CAMSAP3: variants seen among roughly 807,000 people sequenced by gnomAD.
The protein encoded by CAMSAP3 is calmodulin regulated spectrin associated protein family member 3, also known as calmodulin-regulated spectrin-associated protein 3.
CAMSAP3 carries 34 observed loss-of-function variants against 112.5 expected under a neutral mutation model. The observed-to-expected ratio is 0.30, with a 90% CI of 0.23 to 0.40. The LOEUF is 0.40. Ranked by LOEUF, CAMSAP3 falls within the 10% of genes least tolerant of loss-of-function variation. The pLI is 1.00. For missense variants in CAMSAP3, 1,602 were observed against 1,770.3 expected, an observed-to-expected ratio of 0.90 and a Z score of 1.71; for synonymous variants, 868 against 799.8, an observed-to-expected ratio of 1.09 and a Z score of -1.44.
rs200075510 is a variant in CAMSAP3, at chr19:7,612,544, T to C, written c.2051T>C (p.Phe684Ser). Residue 684 changes from phenylalanine to serine, a missense_variant, in exon 11 of 17, where the codon TTC (phenylalanine) becomes TCC (serine). Physicochemically the swap from Phe to Ser is radical, Grantham distance 155. Coordinates refer to ENST00000160298, the MANE Select transcript of CAMSAP3 (RefSeq NM_020902.2). ...ACCTCACGGCCCAAGGCAGTGACCT[T>C]CTCGCCAGACCTGGGCCCGGTGCCC... is the stretch of plus-strand genomic sequence containing the variant. ...EPTSRPKAVT[F>S]SPDLGPVPHE... 2.3e-3 allele frequency: 3,590 copies of C among 1,536,304 alleles called. 6 individuals are homozygous for C. The highest frequency in any genetic ancestry group is 2.8e-3 in the Non-Finnish European group (3,245 of 1,145,416).
At position 7,606,463 on chromosome 19, in the gene CAMSAP3, C is replaced by A. The variant is rs1276123020; in HGVS notation, c.526-13C>A. 1.2e-6 allele frequency: 2 copies of A among 1,604,978 alleles called. No individual in the cohort carries two copies. The highest frequency in any genetic ancestry group is 1.7e-6 in the Non-Finnish European group (2 of 1,179,000). Reference sequence around the variant, plus strand: ...CCAGTGGCCAGACCACTGACCCCCTCCCTGCCCTCCAGACCGTCCGGCGGC... The same window carrying A: ...CCAGTGGCCAGACCACTGACCCCCTACCTGCCCTCCAGACCGTCCGGCGGC... On this transcript the variant is annotated splice_polypyrimidine_tract_variant and intron_variant, in intron 3 of 16. Coordinates refer to ENST00000160298, the MANE Select transcript of CAMSAP3 (RefSeq NM_020902.2).
At chr19:7,597,419 C>T (rs2024463452) in intron 1 of CAMSAP3, among the ~76,000 whole-genome samples, 1 of 152,196 alleles carries the variant, frequency 6.6e-6, no homozygotes, top group Non-Finnish European at 1.5e-5. Context: ...GAGAACTCAA[C>T]GTGGAGTGTC....
At chr19:7,602,293 A>T (rs973973179) in intron 1 of CAMSAP3, among the ~76,000 whole-genome samples, 1 of 152,214 alleles carries the variant, frequency 6.6e-6, no homozygotes, top group African/African-American at 2.4e-5. Flanking sequence ...AGAATTTTCC[A>T]GCCCCAAGTA....
In CAMSAP3 at chr19:7,612,496, C is replaced by T; in HGVS notation, c.2003C>T (p.Ala668Val). ...SGPVPGGERP[A>V]GEGQGEPTSR... ...CCAGTCCCTGGTGGGGAGCGGCCCG[C>T]AGGCGAGGGCCAGGGTGAGCCAACC... is the stretch of plus-strand genomic sequence containing the variant. Residue 668 changes from alanine (A) to valine (V), a missense_variant, in exon 11 of 17, where the codon GCA becomes GTA. Physicochemically the swap from Ala to Val is moderately conservative, Grantham distance 64. Transcript: ENST00000160298. The T allele has an allele frequency of 6.5e-7, 1 of 1,547,282 alleles. No homozygotes were observed. Among genetic ancestry groups the T allele is most frequent in the East Asian group, 2.4e-5 (1 of 41,230 alleles).
At chr19:7,609,656 G>A (rs554826556) in intron 5 of CAMSAP3, among the ~76,000 whole-genome samples, 1 of 152,098 alleles carries the variant, frequency 6.6e-6, no homozygotes, top group Non-Finnish European at 1.5e-5. Flanking sequence ...TATCTAATAC[G>A]TTGTAACATA....
chr19:7,601,750 A>G (rs962275760), intron 1 of CAMSAP3, among the ~76,000 whole-genome samples: 11 of 150,210 alleles, frequency 7.3e-5, no homozygotes, highest in Non-Finnish European at 1.3e-4. Flanking sequence ...AATAAAATAA[A>G]ATAAATGAAT....
In CAMSAP3 at chr19:7,609,180, C is replaced by T. The variant is rs188476027; in HGVS notation, c.760+916C>T. Reference sequence around the variant, plus strand: ...TAAAAATACAGAAATTAGCCGGGTGCGGTGGCGGGCGCCTGTAATCCCAGC... The same window carrying T: ...TAAAAATACAGAAATTAGCCGGGTGTGGTGGCGGGCGCCTGTAATCCCAGC... On this transcript the variant is annotated intron_variant, in intron 5 of 16. Coordinates refer to ENST00000160298, the MANE Select transcript of CAMSAP3 (RefSeq NM_020902.2). Among the ~76,000 whole-genome samples, 428 of 151,430 alleles carry T rather than the reference C, an allele frequency of 2.8e-3. 3 individuals carry two copies. Among genetic ancestry groups the T allele is most frequent in the African/African-American group, 9.7e-3 (399 of 41,300 alleles).
chr19:7,616,210 AAAAG>A (rs2030781822), intron 13 of CAMSAP3, among the ~76,000 whole-genome samples: 1 of 146,580 alleles, frequency 6.8e-6, no homozygotes, highest in East Asian at 1.9e-4. Flanking sequence ...AAAAAAAAAA[AAAAG>A]ACTTCCATAG....
chr19:7,611,267 C>T lies in CAMSAP3; in HGVS notation c.1123+99C>T. 1.5e-5 allele frequency: 18 copies of T among 1,226,824 alleles called. No individual in the cohort carries two copies. In the South Asian group the frequency reaches 2.2e-4, roughly 15 times the overall value. The allele number at this position is 1,226,824 out of a possible 1,614,324, so 76.0% of individuals were successfully genotyped here. On this transcript the variant is annotated intron_variant, in intron 9 of 16. Coordinates refer to ENST00000160298, the MANE Select transcript of CAMSAP3 (RefSeq NM_020902.2). The surrounding 1 kb of genome is among the most constrained non-coding windows in gnomAD (Gnocchi z 6.9). ...GTCTCCTCGTGAGCCTTCCAATAGC[C>T]TCTCCATCAGATCCCCCTTGGGCAT...
intron 1 of CAMSAP3, among the ~76,000 whole-genome samples, chr19:7,603,523 G>A (rs893365465): frequency 2.7e-5 from 4 of 150,324 alleles, no homozygotes; most frequent in South Asian, 2.2e-4. Flanking sequence ...CCCCCACCCC[G>A]TTCTTTCAAA....
chr19:7,607,961 C>T lies in CAMSAP3; in HGVS notation c.622-165C>T. 41 of 879,812 alleles carry T rather than the reference C, an allele frequency of 4.7e-5. No individual in the cohort carries two copies. The South Asian group carries it at 5.8e-4, about 13-fold the overall frequency. The allele number at this position is 879,812 out of a possible 1,614,324, so 54.5% of individuals were successfully genotyped here. A position where few individuals can be genotyped will look rare whatever the true frequency, so the allele number is the denominator to read the frequency against. ...TCGAAGACATCTCCTCTGCCTCTTG[C>T]TGCTGCCCCTCCCCTGCTCCAGGCT... On this transcript the variant is annotated intron_variant, in intron 4 of 16. Transcript: ENST00000160298. This position sits in a 1 kb window ranked among gnomAD's most constrained non-coding sequence, Gnocchi z 4.9.
intron 2 of CAMSAP3, 51 bp from the exon 3 acceptor site, chr19:7,606,220 G>A: frequency 3.2e-6 from 5 of 1,579,068 alleles, no homozygotes; most frequent in Non-Finnish European, 3.4e-6. Flanking sequence ...GGGGGCCGAG[G>A]TGCGCCTCCT....
chr19:7,602,140 A>G (rs189547139), intron 1 of CAMSAP3, among the ~76,000 whole-genome samples: 40 of 152,330 alleles, frequency 2.6e-4, no homozygotes, highest in Middle Eastern at 6.8e-3. Context: ...TTTGACACTT[A>G]ATTGACATTT....
chr19:7,614,887 G>A lies in CAMSAP3; in HGVS notation c.2671-296G>A, dbSNP rs544587223. The A allele has an allele frequency of 1.1e-4, 57 of 535,600 alleles. No individual in the cohort carries two copies. The African/African-American group carries it at 1.1e-3, about 10-fold the overall frequency. The allele number at this position is 535,600 out of a possible 1,614,324, so 33.2% of individuals were successfully genotyped here. On this transcript the variant is annotated intron_variant, in intron 11 of 16. Coordinates refer to ENST00000160298, the MANE Select transcript of CAMSAP3 (RefSeq NM_020902.2). ...GGCCAGGCCGGGGTCCTCCCGCAGT[G>A]TAGAGTGTCTGTGCCCAACACGAGC...
At position 7,612,937 on chromosome 19, in the gene CAMSAP3, C is replaced by T. The variant is rs373855253; in HGVS notation, c.2444C>T (p.Pro815Leu). The part of the protein sequence containing the change: ...DSLPHLRKFS[P>L]SQVPVQTRSS... ...CTCCCCCACCTGCGCAAGTTCTCGC[C>T]GAGCCAGGTGCCCGTGCAGACGCGC... The change falls in exon 11 of 17, where the codon CCG becomes CTG. Residue 815 changes from proline (P) to leucine (L), a missense_variant. Pro to Leu is a moderately conservative substitution (Grantham distance 98). Coordinates refer to ENST00000160298, the MANE Select transcript of CAMSAP3 (RefSeq NM_020902.2). The T allele has an allele frequency of 6.8e-6, 11 of 1,609,156 alleles. No homozygotes were observed. Among genetic ancestry groups the T allele is most frequent in the Admixed American group, 1.7e-5 (1 of 59,886 alleles).
At position 7,611,668 on chromosome 19, in the gene CAMSAP3, C is replaced by T; in HGVS notation, c.1194-19C>T. ...CCGAGGCTGGTCCCAGGGGCTGACC[C>T]CTCCCTCCGGCCGCCCAGCCGTCCC... is the stretch of plus-strand genomic sequence containing the variant. On this transcript the variant is annotated intron_variant, in intron 10 of 16. Coordinates refer to ENST00000160298, the MANE Select transcript of CAMSAP3 (RefSeq NM_020902.2). This position sits in a 1 kb window ranked among gnomAD's most constrained non-coding sequence, Gnocchi z 6.9. The T allele has an allele frequency of 6.4e-7, 1 of 1,568,860 alleles. No individual in the cohort carries two copies. The highest frequency in any genetic ancestry group is 8.7e-7 in the Non-Finnish European group (1 of 1,154,096).
rs774561504 is a variant in CAMSAP3 at position 7,610,851 on chromosome 19, G to A, written c.995-26G>A. 71 of 1,609,046 alleles carry A rather than the reference G, an allele frequency of 4.4e-5. No homozygotes were observed. The highest frequency in any genetic ancestry group is 4.7e-5 in the Non-Finnish European group (55 of 1,178,968). On this transcript the variant is annotated intron_variant, in intron 7 of 16. Coordinates refer to ENST00000160298, the MANE Select transcript of CAMSAP3 (RefSeq NM_020902.2). The surrounding 1 kb of genome is among the most constrained non-coding windows in gnomAD (Gnocchi z 4.9). Reference sequence around the variant, plus strand: ...GGGCGGGTGGGAGAGCCAAACCCCCGCCTGACCCTCTTCTCTGTACTGCAG... The same window carrying A: ...GGGCGGGTGGGAGAGCCAAACCCCCACCTGACCCTCTTCTCTGTACTGCAG...
At position 7,613,047 on chromosome 19, in the gene CAMSAP3, G is replaced by A; in HGVS notation, c.2554G>A (p.Ala852Thr). The change falls in exon 11 of 17, where the codon GCA becomes ACA. Residue 852 changes from alanine to threonine, a missense_variant. Physicochemically the swap from Ala to Thr is moderately conservative, Grantham distance 58. Coordinates refer to ENST00000160298, the MANE Select transcript of CAMSAP3 (RefSeq NM_020902.2). ...GLIEIPLGSL[A>T]DPAAEDEGDG... ...CATCGAGATCCCGCTGGGCAGCCTG[G>A]CAGATCCCGCCGCCGAGGACGAGGG... 6.4e-7 allele frequency: 1 copy of A among 1,550,752 alleles called. No homozygotes were observed. The highest frequency in any genetic ancestry group is 8.7e-7 in the Non-Finnish European group (1 of 1,148,358).
chr19:7,605,166 G>GTT, intron 1 of CAMSAP3, 60 bp from the exon 2 acceptor site: 1 of 1,133,892 alleles, frequency 8.8e-7, no homozygotes, highest in South Asian at 1.5e-5. Context: ...GTGTGTGTGT[G>GTT]TGTGTGTGTG....
Sources: gnomAD v4.1 joint callset for allele counts (sites outside exome capture counted in the v4.1 genomes callset) on GRCh38, gnomAD v4.1.1 for gene constraint, Gnocchi (gnomAD v3.1) non-coding constraint, MANE v1.5 for transcripts, NCBI Gene and HGNC (gene_info 2026-07-23, HGNC 2026-07-21) for gene names.